Variants in KCNIP4 observed in about 807,000 individuals in gnomAD.
The protein encoded by KCNIP4 is Kv channel-interacting protein 4.
In KCNIP4, 12 loss-of-function variants were observed where a neutral mutation model predicts 34.0. That is an observed-to-expected ratio of 0.35 (90% CI 0.23 to 0.57). The LOEUF (loss-of-function observed/expected upper bound fraction) is 0.57, where lower values mean the gene tolerates loss of function less well. Ranked by LOEUF, KCNIP4 falls within the 20% of genes least tolerant of loss-of-function variation. KCNIP4 has a pLI of 0.83. For synonymous variants in KCNIP4, 124 were observed against 102.2 expected, an observed-to-expected ratio of 1.21 and a Z score of -1.29; for missense variants, 238 against 311.7, an observed-to-expected ratio of 0.76 and a Z score of 1.78.
At chr4:20,794,075 T>C (rs1560469114) in intron 3 of KCNIP4, among the ~76,000 whole-genome samples, 1 of 152,218 alleles carries the variant, frequency 6.6e-6, no homozygotes, top group African/African-American at 2.4e-5. Context: ...TTGTCATCCA[T>C]GTAAGACGTA....
At chr4:20,886,317 A>T (rs901403731) in intron 1 of KCNIP4, among the ~76,000 whole-genome samples, 11 of 152,134 alleles carry the variant, frequency 7.2e-5, no homozygotes, top group African/African-American at 2.7e-4. Flanking sequence ...TAGTTCAGGG[A>T]GGTAGAGCTC....
intron 1 of KCNIP4, among the ~76,000 whole-genome samples, chr4:21,777,441 C>T (rs1214475161): frequency 2.7e-5 from 4 of 150,438 alleles, no homozygotes; most frequent in African/African-American, 4.9e-5. Context: ...TGCCACAAAG[C>T]ATACCATTTT....
At chr4:21,892,322 CA>C (rs397762481) in intron 1 of KCNIP4, among the ~76,000 whole-genome samples, 18 of 146,222 alleles carry the variant, frequency 1.2e-4, no homozygotes, top group Admixed American at 2.1e-4. Flanking sequence ...TATCCAAATA[CA>C]AAAAAAAAAG....
chr4:21,424,651 G>T (rs1213305186), intron 1 of KCNIP4, among the ~76,000 whole-genome samples: 2 of 152,050 alleles, frequency 1.3e-5, no homozygotes, highest in East Asian at 3.9e-4. Context: ...ACTTTTTTTA[G>T]GTTCATCTCA....
At chr4:21,184,914 G>A (rs987104264) in intron 1 of KCNIP4, among the ~76,000 whole-genome samples, 7 of 151,982 alleles carry the variant, frequency 4.6e-5, no homozygotes, top group Non-Finnish European at 1.0e-4. Flanking sequence ...ATGGAAGTTG[G>A]GTTTGAGAAA....
At chr4:21,193,206 G>C (rs1755806695) in intron 1 of KCNIP4, among the ~76,000 whole-genome samples, 1 of 152,034 alleles carries the variant, frequency 6.6e-6, no homozygotes, top group Non-Finnish European at 1.5e-5. Flanking sequence ...CAAAATGGCT[G>C]CAATTATTCT....
At chr4:20,876,334 T>A (rs1406431349) in intron 2 of KCNIP4, among the ~76,000 whole-genome samples, 1 of 152,100 alleles carries the variant, frequency 6.6e-6, no homozygotes, top group East Asian at 1.9e-4. Flanking sequence ...CATAGAGAGA[T>A]AAAGTGAGTT....
chr4:21,920,605 A>C (rs147972717), intron 1 of KCNIP4, among the ~76,000 whole-genome samples: 1 of 152,220 alleles, frequency 6.6e-6, no homozygotes, highest in East Asian at 1.9e-4. Context: ...CTGTACCCCA[A>C]CCTATTGAAA....
intron 1 of KCNIP4, among the ~76,000 whole-genome samples, chr4:21,777,004 T>C (rs1282653343): frequency 6.6e-6 from 1 of 152,038 alleles, no homozygotes; most frequent in African/African-American, 2.4e-5. Context: ...AACTCCTGAC[T>C]TCAAGTGATC....
At chr4:21,692,603 CATG>C in intron 1 of KCNIP4, among the ~76,000 whole-genome samples, 1 of 152,102 alleles carries the variant, frequency 6.6e-6, no homozygotes, top group African/African-American at 2.4e-5. Flanking sequence ...AACAGTGTAA[CATG>C]GTGGTATTTT....
intron 1 of KCNIP4, among the ~76,000 whole-genome samples, chr4:20,905,940 G>A (rs1727713891): frequency 6.6e-6 from 1 of 152,004 alleles, no homozygotes; most frequent in South Asian, 2.1e-4. Flanking sequence ...GCATTCTGAG[G>A]TACTGGGGTT....
intron 1 of KCNIP4, among the ~76,000 whole-genome samples, chr4:21,245,473 C>A (rs2109060827): frequency 6.6e-6 from 1 of 152,190 alleles, no homozygotes; most frequent in Non-Finnish European, 1.5e-5. Context: ...TTCATTTTTA[C>A]TCAAACTTTT....
At chr4:21,292,033 G>A (rs745378470) in intron 1 of KCNIP4, among the ~76,000 whole-genome samples, 1 of 152,144 alleles carries the variant, frequency 6.6e-6, no homozygotes, top group Non-Finnish European at 1.5e-5. Flanking sequence ...GACTATATTT[G>A]TGAAGGCACA....
At chr4:21,287,470 G>T (rs1360693967) in intron 1 of KCNIP4, among the ~76,000 whole-genome samples, 1 of 152,050 alleles carries the variant, frequency 6.6e-6, no homozygotes, top group Non-Finnish European at 1.5e-5. Flanking sequence ...CTGTAAAACT[G>T]GGCACTGCTC....
intron 3 of KCNIP4, among the ~76,000 whole-genome samples, chr4:20,818,301 T>C (rs1233793267): frequency 1.3e-5 from 2 of 152,160 alleles, no homozygotes; most frequent in East Asian, 1.9e-4. Flanking sequence ...GGGCAGAGTA[T>C]TGGGGTGGTG....
intron 1 of KCNIP4, among the ~76,000 whole-genome samples, chr4:21,592,043 G>A (rs1742263389): frequency 6.6e-6 from 1 of 152,084 alleles, no homozygotes. Flanking sequence ...TAGAGGGATA[G>A]TCATGGGAAA....
intron 1 of KCNIP4, among the ~76,000 whole-genome samples, chr4:21,205,563 T>A (rs1328318775): frequency 6.6e-6 from 1 of 152,214 alleles, no homozygotes; most frequent in East Asian, 1.9e-4. Flanking sequence ...ATGTAGCTTG[T>A]ATGTGTTGGG....
At chr4:20,951,284 A>T (rs1430684391) in intron 1 of KCNIP4, among the ~76,000 whole-genome samples, 2 of 152,158 alleles carry the variant, frequency 1.3e-5, no homozygotes, top group Non-Finnish European at 2.9e-5. Flanking sequence ...ACTGTGAAAA[A>T]TAAGTTGTTT....
intron 1 of KCNIP4, among the ~76,000 whole-genome samples, chr4:20,921,729 G>A (rs1479747680): frequency 6.6e-6 from 1 of 152,174 alleles, no homozygotes; most frequent in African/African-American, 2.4e-5. Flanking sequence ...TTTTGTGTGT[G>A]TATGGTTCTG....
Sources: allele counts gnomAD v4.1 joint callset (sites outside exome capture counted in the v4.1 genomes callset), GRCh38; gene constraint gnomAD v4.1.1; transcripts MANE v1.5; gene names NCBI Gene and HGNC (gene_info 2026-07-23, HGNC 2026-07-21).